KCNJ6: variants seen among roughly 807,000 people sequenced by gnomAD.
KCNJ6 encodes the protein G protein-activated inward rectifier potassium channel 2.
A neutral mutation model predicts 34.2 loss-of-function variants in KCNJ6; 9 were observed. The ratio of observed to expected loss-of-function variants is 0.26; its 90% CI spans 0.16 to 0.46. The LOEUF (loss-of-function observed/expected upper bound fraction) is 0.46. Among genes scored for constraint, KCNJ6 ranks in the 20% least tolerant of loss-of-function variants. The pLI, the probability that KCNJ6 is intolerant of heterozygous loss-of-function variation, is 1.00. For missense variants in KCNJ6, 236 were observed against 531.3 expected, an observed-to-expected ratio of 0.44 and a Z score of 5.46; for synonymous variants, 196 against 207.1, an observed-to-expected ratio of 0.95 and a Z score of 0.46.
At position 37,630,134 on chromosome 21, in the gene KCNJ6, C is replaced by CTGTGTG. The variant is rs10527592; in HGVS notation, c.947-4656_947-4651dup. Among the ~76,000 whole-genome samples, 392 of 143,980 alleles carry CTGTGTG rather than the reference C, an allele frequency of 2.7e-3. 3 individuals are homozygous for CTGTGTG. The highest frequency in any genetic ancestry group is 7.8e-3 in the African/African-American group (304 of 38,804). 94.5% of individuals were successfully genotyped at this position (143,980 alleles called of 152,430 possible). The stretch of plus-strand genomic sequence containing the variant: ...AGGCAGAACTGCCAAGATGACATCT[C>CTGTGTG]TGTGTGTGTGTGTGTGTGTGTGTGG... On this transcript the variant is annotated intron_variant, in intron 3 of 3. Transcript: ENST00000609713.
intron 2 of KCNJ6, among the ~76,000 whole-genome samples, chr21:37,722,012 T>C (rs145683301): frequency 6.6e-6 from 1 of 152,336 alleles, no homozygotes; most frequent in Non-Finnish European, 1.5e-5. Flanking sequence ...AAATGATCTC[T>C]CTTTGCTGAT....
At chr21:37,857,343 G>T (rs1322787397) in intron 1 of KCNJ6, among the ~76,000 whole-genome samples, 1 of 152,180 alleles carries the variant, frequency 6.6e-6, no homozygotes, top group Non-Finnish European at 1.5e-5. Flanking sequence ...CTTCATCCTG[G>T]GGGCATAGTC....
intron 2 of KCNJ6, among the ~76,000 whole-genome samples, chr21:37,798,841 CAT>C (rs2055255705): frequency 6.6e-6 from 1 of 152,088 alleles, no homozygotes; most frequent in East Asian, 1.9e-4. Flanking sequence ...GATAGTTACA[CAT>C]ATCTTTGAAT....
At chr21:37,757,827 G>A (rs2055038799) in intron 2 of KCNJ6, among the ~76,000 whole-genome samples, 1 of 152,274 alleles carries the variant, frequency 6.6e-6, no homozygotes, top group Admixed American at 6.5e-5. Context: ...GTCACTGGCT[G>A]GCTCGAGCCC....
At chr21:37,649,132 C>CAAA (rs1169306298) in intron 3 of KCNJ6, among the ~76,000 whole-genome samples, 50 of 39,874 alleles carry the variant, frequency 1.3e-3, no homozygotes, top group African/African-American at 3.3e-3. Context: ...GACTCCATCT[C>CAAA]AAAAAAAAAA....
At chr21:37,849,148 C>A (rs1259883119) in intron 1 of KCNJ6, among the ~76,000 whole-genome samples, 2 of 152,194 alleles carry the variant, frequency 1.3e-5, no homozygotes, top group African/African-American at 4.8e-5. Flanking sequence ...GGTGGACAAG[C>A]ATCTGCAGTC....
chr21:37,610,127 C>G lies in KCNJ6; in HGVS notation c.*15032G>C, dbSNP rs1037633216. 1 of 152,162 alleles carries G rather than the reference C, an allele frequency of 6.6e-6. No individual in the cohort carries two copies. The highest frequency in any genetic ancestry group is 2.4e-5 in the African/African-American group (1 of 41,406). 9.4% of individuals were successfully genotyped at this position (152,162 alleles called of 1,614,324 possible). A position where few individuals can be genotyped will look rare whatever the true frequency, so the allele number is the denominator to read the frequency against. On this transcript the variant is annotated 3_prime_UTR_variant, in exon 4 of 4. Coordinates refer to ENST00000609713, the MANE Select transcript of KCNJ6 (RefSeq NM_002240.5). ...AGTTAAATGATGAAAACAGCTGAGA[C>G]TTAAAGCTGAACCATCTGGGGTCAT...
At chr21:37,819,215 TTGA>T (rs2055362330) in intron 2 of KCNJ6, among the ~76,000 whole-genome samples, 2 of 151,052 alleles carry the variant, frequency 1.3e-5, no homozygotes, top group South Asian at 4.2e-4. Flanking sequence ...CTCTTTCAAC[TTGA>T]TGAACTGTTT....
intron 3 of KCNJ6, among the ~76,000 whole-genome samples, chr21:37,698,420 C>T (rs1023991604): frequency 6.7e-4 from 102 of 152,360 alleles, no homozygotes; most frequent in African/African-American, 2.2e-3. Context: ...GGCTCATGGT[C>T]TTCCTGCTGT....
intron 2 of KCNJ6, among the ~76,000 whole-genome samples, chr21:37,835,518 C>T: frequency 6.6e-6 from 1 of 152,156 alleles, no homozygotes. Flanking sequence ...AAGAAAATTA[C>T]CTTTGGAAAT....
intron 3 of KCNJ6, among the ~76,000 whole-genome samples, chr21:37,697,233 G>T (rs1292401666): frequency 6.6e-6 from 1 of 152,202 alleles, no homozygotes; most frequent in Non-Finnish European, 1.5e-5. Context: ...GGGGCCAATG[G>T]GGTGCTCCCC....
At chr21:37,843,854 C>G (rs978343149) in intron 1 of KCNJ6, among the ~76,000 whole-genome samples, 1 of 152,160 alleles carries the variant, frequency 6.6e-6, no homozygotes, top group African/African-American at 2.4e-5. Flanking sequence ...GCCCATTTAG[C>G]CAAGATCCCT....
chr21:37,714,809 G>A lies in KCNJ6; in HGVS notation c.348C>T (p.Tyr116=), dbSNP rs769894534. The change falls in exon 3 of 4, where the codon TAC becomes TAT. Residue 116 remains tyrosine (Y), a synonymous_variant. Coordinates refer to ENST00000609713, the MANE Select transcript of KCNJ6 (RefSeq NM_002240.5). This position sits in a 1 kb window ranked among gnomAD's most constrained non-coding sequence, Gnocchi z 5.9. The part of the protein sequence containing the change: ...FFGMIWWLIA[Y]IRGDMDHIED... ...CTATGTGGTCCATGTCTCCCCGTAT[G>A]TATGCGATCAACCACCAGATCATTC... 2.5e-6 allele frequency: 4 copies of A among 1,614,206 alleles called. No individual in the cohort carries two copies. Among genetic ancestry groups the A allele is most frequent in the South Asian group, 1.1e-5 (1 of 91,078 alleles).
At chr21:37,653,061 T>C (rs2054441064) in intron 3 of KCNJ6, among the ~76,000 whole-genome samples, 1 of 152,102 alleles carries the variant, frequency 6.6e-6, no homozygotes, top group South Asian at 2.1e-4. Flanking sequence ...CCCGTGTGTG[T>C]GTGGGATTAT....
In KCNJ6 at chr21:37,770,996, C is replaced by T. The variant is rs945915143; in HGVS notation, c.26-55865G>A. 5.5e-4 allele frequency among the ~76,000 whole-genome samples: 83 copies of T among 152,042 alleles called. 1 individual carries two copies. The highest frequency in any genetic ancestry group is 1.9e-3 in the African/African-American group (78 of 41,382). ...AGAACATCAACTAAGGACTTTGCGT[C>T]GTTTTCTAGGAAAAGAGTTGGTGTG... On this transcript the variant is annotated intron_variant, in intron 2 of 3. Transcript: ENST00000609713.
At chr21:37,840,550 A>T in intron 2 of KCNJ6, 108 bp downstream of exon 2, 1 of 729,830 alleles carries the variant, frequency 1.4e-6, no homozygotes, top group Non-Finnish European at 2.4e-6. Flanking sequence ...GTCCCGTAAG[A>T]GCAAAAGAGA....
intron 1 of KCNJ6, among the ~76,000 whole-genome samples, chr21:37,856,125 G>A (rs1255464872): frequency 6.6e-6 from 1 of 152,182 alleles, no homozygotes; most frequent in Non-Finnish European, 1.5e-5. Flanking sequence ...CAGGAGGGTG[G>A]GGAAGGGGAG....
Position 37,916,142 on chromosome 21 carries a change from C to G in KCNJ6, c.-286G>C, listed in dbSNP as rs1179579491. 6.6e-6 allele frequency: 1 copy of G among 152,160 alleles called. No individual in the cohort carries two copies. The highest frequency in any genetic ancestry group is 1.5e-5 in the Non-Finnish European group (1 of 68,160). The allele number at this position is 152,160 out of a possible 1,614,324, so 9.4% of individuals were successfully genotyped here. ...GGTCTCCACCCCTCCGCCCGCCCAG[C>G]CTCTCCAGCCAGGTGCGGCCGTCTC... On this transcript the variant is annotated 5_prime_UTR_variant, in exon 1 of 4. Transcript: ENST00000609713.
chr21:37,654,897 A>C lies in KCNJ6; in HGVS notation c.947-29413T>G, dbSNP rs749552135. Among the ~76,000 whole-genome samples, 5 of 151,486 alleles carry C rather than the reference A, an allele frequency of 3.3e-5. No individual in the cohort carries two copies. In the South Asian group the frequency reaches 8.3e-4, roughly 25 times the overall value. On this transcript the variant is annotated intron_variant, in intron 3 of 3. Transcript: ENST00000609713. ...GACCAGCCTCAGCCAATCGGCATGG[A>C]CATCCCCAAGGCCAATGGGTAGGCC...
Sources: allele counts gnomAD v4.1 joint callset (sites outside exome capture counted in the v4.1 genomes callset), GRCh38; gene constraint gnomAD v4.1.1; non-coding constraint Gnocchi (gnomAD v3.1); transcripts MANE v1.5; gene names NCBI Gene and HGNC (gene_info 2026-07-23, HGNC 2026-07-21).